The following MAN2B2 variants were observed in gnomAD, a reference collection of about 807,000 sequenced individuals.
The protein encoded by MAN2B2 is mannosidase alpha class 2B member 2, also known as epididymis-specific alpha-mannosidase.
Under a neutral mutation model 117.1 loss-of-function variants are expected in MAN2B2, and 106 were observed. The observed-to-expected ratio is 0.90, with a 90% CI of 0.77 to 1.06. The LOEUF is 1.06. Ranked by LOEUF, MAN2B2 falls within the 50% of genes least tolerant of loss-of-function variation. The pLI is 0.00. For missense variants in MAN2B2, 1,326 were observed against 1,381.4 expected, an observed-to-expected ratio of 0.96 and a Z score of 0.64; for synonymous variants, 544 against 595.1, an observed-to-expected ratio of 0.91 and a Z score of 1.25.
Position 6,578,508 on chromosome 4 carries a change from C to G in MAN2B2, c.391+10C>G. 6.2e-7 allele frequency: 1 copy of G among 1,609,830 alleles called. No individual in the cohort carries two copies. The highest frequency in any genetic ancestry group is 8.5e-7 in the Non-Finnish European group (1 of 1,177,656). ...ATCCTGCAGCTCACAGGTTTGGCCACCCTACCCTGCACCCAGGGTCCCTCA... is the reference window on the plus strand; with the variant it reads ...ATCCTGCAGCTCACAGGTTTGGCCAGCCTACCCTGCACCCAGGGTCCCTCA... On this transcript the variant is annotated intron_variant, in intron 3 of 18. Coordinates refer to ENST00000285599, the MANE Select transcript of MAN2B2 (RefSeq NM_015274.3).
intron 7 of MAN2B2, among the ~76,000 whole-genome samples, 178 bp downstream of exon 7, chr4:6,594,910 C>T (rs112569109): frequency 1.7e-4 from 26 of 152,310 alleles, no homozygotes; most frequent in Admixed American, 2.6e-4. Flanking sequence ...TCCACCTGGA[C>T]GTCCTGGCCA....
chr4:6,600,717 C>T lies in MAN2B2; in HGVS notation c.1500C>T (p.Val500=). 6.2e-7 allele frequency: 1 copy of T among 1,613,958 alleles called. No individual in the cohort carries two copies. The part of the protein sequence containing the change: ...IVTLTVGFPG[V]RVTDEAGHPV... ...CCCTGACTGTTGGTTTCCCTGGAGT[C>T]CGCGTCACAGATGAGGCGGGCCACC... The change falls in exon 10 of 19, where the codon GTC becomes GTT. Residue 500 remains valine (V), a synonymous_variant. Transcript: ENST00000285599.
At chr4:6,576,213 C>T (rs1726055674) in intron 1 of MAN2B2, among the ~76,000 whole-genome samples, 1 of 152,178 alleles carries the variant, frequency 6.6e-6, no homozygotes, top group African/African-American at 2.4e-5. Context: ...CCGACTGAGG[C>T]CTAAGACTTT....
At chr4:6,616,439 G>C (rs1336998747) in intron 16 of MAN2B2, among the ~76,000 whole-genome samples, 4 of 152,264 alleles carry the variant, frequency 2.6e-5, no homozygotes, top group South Asian at 2.1e-4. Flanking sequence ...AATGCCCACG[G>C]TCTTAACAGT....
intron 13 of MAN2B2, 92 bp downstream of exon 13, chr4:6,610,142 G>T: frequency 2.0e-6 from 3 of 1,513,806 alleles, no homozygotes; most frequent in South Asian, 1.3e-5. Context: ...GCCAGTAGAG[G>T]CCTCCAGTGA....
intron 5 of MAN2B2, among the ~76,000 whole-genome samples, chr4:6,591,352 C>A (rs1338200856): frequency 6.6e-6 from 1 of 152,242 alleles, no homozygotes; most frequent in Non-Finnish European, 1.5e-5. Flanking sequence ...ACGTCCATAG[C>A]AGCTTCTGTT....
chr4:6,579,102 C>CCAT (rs1560634394), intron 3 of MAN2B2, among the ~76,000 whole-genome samples: 1 of 75,586 alleles, frequency 1.3e-5, no homozygotes, highest in East Asian at 5.1e-4. Context: ...ATCACCAGCA[C>CCAT]CACCACCATC....
chr4:6,580,426 C>A (rs374822755), intron 3 of MAN2B2, among the ~76,000 whole-genome samples: 1 of 152,226 alleles, frequency 6.6e-6, no homozygotes, highest in East Asian at 1.9e-4. Flanking sequence ...TCTATCCCAA[C>A]AGACTTCCCC....
intron 3 of MAN2B2, among the ~76,000 whole-genome samples, chr4:6,582,687 A>AT (rs896117869): frequency 2.0e-5 from 3 of 151,474 alleles, no homozygotes; most frequent in Admixed American, 6.6e-5. Flanking sequence ...TCAAAAAAAA[A>AT]TTTTTTTTAA....
chr4:6,601,133 A>G (rs1449769105), intron 10 of MAN2B2, among the ~76,000 whole-genome samples: 1 of 152,150 alleles, frequency 6.6e-6, no homozygotes, highest in Admixed American at 6.5e-5. Flanking sequence ...ATACACACAC[A>G]CACAAGTTTG....
chr4:6,597,396 G>A (rs1653925705), intron 8 of MAN2B2, 93 bp downstream of exon 8: 3 of 1,309,084 alleles, frequency 2.3e-6, no homozygotes, highest in Non-Finnish European at 3.1e-6. Context: ...CAGCCCTGGG[G>A]CACTAGAGGC....
intron 3 of MAN2B2, 48 bp downstream of exon 3, chr4:6,578,546 G>A: frequency 6.6e-7 from 1 of 1,512,728 alleles, no homozygotes; most frequent in Non-Finnish European, 9.1e-7. Flanking sequence ...ACCTCCAGTG[G>A]GGCTGGGACA....
chr4:6,617,141 C>T (rs1048373690), intron 16 of MAN2B2, among the ~76,000 whole-genome samples: 2 of 152,264 alleles, frequency 1.3e-5, no homozygotes, highest in East Asian at 1.9e-4. Flanking sequence ...ATCACAAGAA[C>T]AGCACAGGAA....
Position 6,588,572 on chromosome 4 carries a change from G to A in MAN2B2, c.565-473G>A, listed in dbSNP as rs1036823220. On this transcript the variant is annotated intron_variant, in intron 4 of 18. Transcript: ENST00000285599. Reference sequence around the variant, plus strand: ...TCTACTAAAAATACAAAAATTAGCCGGGCGTGGTAGCAAGTGGCTGAAATC... The same window carrying A: ...TCTACTAAAAATACAAAAATTAGCCAGGCGTGGTAGCAAGTGGCTGAAATC... Among the ~76,000 whole-genome samples, 12 of 152,070 alleles carry A rather than the reference G, an allele frequency of 7.9e-5. 1 individual carries two copies. The highest frequency in any genetic ancestry group is 5.8e-4 in the East Asian group (3 of 5,176).
intron 10 of MAN2B2, 122 bp from the exon 11 acceptor site, chr4:6,604,933 G>A: frequency 8.4e-7 from 1 of 1,194,346 alleles, no homozygotes. Flanking sequence ...TGGGGGCAGG[G>A]AGGAGAAATC....
chr4:6,605,242 C>G lies in MAN2B2; in HGVS notation c.1727C>G (p.Ala576Gly). The G allele has an allele frequency of 1.2e-6, 2 of 1,614,214 alleles. No individual in the cohort carries two copies. Among genetic ancestry groups the G allele is most frequent in the Non-Finnish European group, 8.5e-7 (1 of 1,180,020 alleles). The change falls in exon 11 of 19, where the codon GCG (alanine) becomes GGG (glycine). Residue 576 changes from alanine (A) to glycine (G), a missense_variant. Physicochemically the swap from Ala to Gly is moderately conservative, Grantham distance 60. Coordinates refer to ENST00000285599, the MANE Select transcript of MAN2B2 (RefSeq NM_015274.3). ...GRRLRRRTSH[A>G]GRYLVPVAND... ...AGGCTGAGGAGACGCACCAGCCATGCGGGCAGGTACTTGGTGCCTGTGGCA... is the reference window on the plus strand; with the variant it reads ...AGGCTGAGGAGACGCACCAGCCATGGGGGCAGGTACTTGGTGCCTGTGGCA...
intron 5 of MAN2B2, among the ~76,000 whole-genome samples, 182 bp downstream of exon 5, chr4:6,589,342 G>T (rs1726771945): frequency 1.3e-5 from 2 of 152,204 alleles, no homozygotes; most frequent in African/African-American, 4.8e-5. Context: ...CTGGGTTCAA[G>T]CGATTCTTCT....
intron 5 of MAN2B2, among the ~76,000 whole-genome samples, chr4:6,591,007 G>A (rs1180586315): frequency 6.6e-6 from 1 of 152,206 alleles, no homozygotes; most frequent in African/African-American, 2.4e-5. Flanking sequence ...AAATTAGCCA[G>A]GCATGGCAGC....
intron 15 of MAN2B2, among the ~76,000 whole-genome samples, chr4:6,612,193 T>C (rs1030205461): frequency 1.3e-5 from 2 of 152,240 alleles, no homozygotes; most frequent in African/African-American, 4.8e-5. Flanking sequence ...AACAAGCATA[T>C]ACTGAGCACT....
Sources: allele counts gnomAD v4.1 joint callset (sites outside exome capture counted in the v4.1 genomes callset), GRCh38; gene constraint gnomAD v4.1.1; transcripts MANE v1.5; gene names NCBI Gene and HGNC (gene_info 2026-07-23, HGNC 2026-07-21).